The following PSMC4 variants were observed in gnomAD, a reference collection of about 807,000 sequenced individuals.
PSMC4 encodes the protein proteasome 26S subunit, ATPase 4, also known as 26S proteasome regulatory subunit 6B.
A neutral mutation model predicts 48.4 loss-of-function variants in PSMC4; 13 were observed. That is an observed-to-expected ratio of 0.27 (90% CI 0.18 to 0.43). PSMC4 has a LOEUF of 0.43. Ranked by LOEUF, PSMC4 falls within the 20% of genes least tolerant of loss-of-function variation. PSMC4 has a pLI of 1.00. For synonymous variants in PSMC4, 202 were observed against 212.3 expected (o/e 0.95, Z 0.42); for missense variants, 262 against 555.9 (o/e 0.47, Z 5.32).
rs1337010415 is a variant in PSMC4, at chr19:39,974,820, A to G, written c.665A>G (p.His222Arg). ...KTMLAKAVAH[H>R]TTAAFIRVVG... ...ATGTTGGCAAAGGCGGTGGCACATC[A>G]CACAACAGGTGAGCCCTTTCGCCCC... Residue 222 changes from histidine to arginine, a missense_variant, in exon 6 of 11, where the codon CAC (histidine) becomes CGC (arginine). This residue lies in a region of PSMC4 where 131 missense variants were observed against 276.7 expected (regional missense o/e 0.47). Transcript: ENST00000157812. The surrounding 1 kb of genome is among the most constrained non-coding windows in gnomAD (Gnocchi z 5.5). 6.2e-7 allele frequency: 1 copy of G among 1,613,704 alleles called. No homozygotes were observed. Among genetic ancestry groups the G allele is most frequent in the Admixed American group, 1.7e-5 (1 of 60,020 alleles).
Position 39,981,279 on chromosome 19 carries a change from G to A in PSMC4, c.1231G>A (p.Glu411Lys), listed in dbSNP as rs768676877. 8 of 1,613,820 alleles carry A rather than the reference G, an allele frequency of 5.0e-6. No individual in the cohort carries two copies. The highest frequency in any genetic ancestry group is 1.1e-5 in the South Asian group (1 of 91,082). ...KAYKTVIKKD[E>K]QEHEFYK ...ATACAAGACTGTCATCAAGAAGGACGAGCAGGAGCATGAGTTTTACAAGTG... is the reference window on the plus strand; with the variant it reads ...ATACAAGACTGTCATCAAGAAGGACAAGCAGGAGCATGAGTTTTACAAGTG... Residue 411 changes from glutamate to lysine, a missense_variant, in exon 11 of 11, where the codon GAG becomes AAG. Glu to Lys is a moderately conservative substitution (Grantham distance 56). Coordinates refer to ENST00000157812, the MANE Select transcript of PSMC4 (RefSeq NM_006503.4).
At chr19:39,978,636 C>T (rs896867629) in intron 6 of PSMC4, among the ~76,000 whole-genome samples, 13 of 152,122 alleles carry the variant, frequency 8.5e-5, no homozygotes, top group Admixed American at 8.5e-4. Flanking sequence ...TGTCTCCCTT[C>T]TCTGGTGGCT....
rs751292534 is a variant in PSMC4, at chr19:39,974,854, G to C, written c.673+26G>C. 1.3e-6 allele frequency: 2 copies of C among 1,592,778 alleles called. No individual in the cohort carries two copies. The highest frequency in any genetic ancestry group is 1.7e-6 in the Non-Finnish European group (2 of 1,162,036). ...GTGAGCCCTTTCGCCCCTGCCCCGA[G>C]CTCTCATCTTCTGGCCTCTTCGCCT... On this transcript the variant is annotated intron_variant, in intron 6 of 10. Coordinates refer to ENST00000157812, the MANE Select transcript of PSMC4 (RefSeq NM_006503.4). This position sits in a 1 kb window ranked among gnomAD's most constrained non-coding sequence, Gnocchi z 5.5.
At position 39,980,698 on chromosome 19, in the gene PSMC4, T is replaced by G; in HGVS notation, c.1124T>G (p.Ile375Ser). ...CCAGATAAGATTTCAGGAGCTGATA[T>G]TAACTCCATCTGTCAGGAGGTAAGT... The part of the protein sequence containing the change: ...ARPDKISGAD[I>S]NSICQESGML... Residue 375 changes from isoleucine to serine, a missense_variant, in exon 10 of 11, where the codon ATT becomes AGT. Ile to Ser is a moderately radical substitution (Grantham distance 142). Coordinates refer to ENST00000157812, the MANE Select transcript of PSMC4 (RefSeq NM_006503.4). The surrounding 1 kb of genome is among the most constrained non-coding windows in gnomAD (Gnocchi z 4.8). 6.2e-7 allele frequency: 1 copy of G among 1,614,068 alleles called. No individual in the cohort carries two copies. The highest frequency in any genetic ancestry group is 8.5e-7 in the Non-Finnish European group (1 of 1,179,978).
Position 39,974,752 on chromosome 19 carries a change from C to T in PSMC4, c.597C>T (p.Pro199=). 1 of 1,614,194 alleles carries T rather than the reference C, an allele frequency of 6.2e-7. No homozygotes were observed. The highest frequency in any genetic ancestry group is 1.3e-5 in the African/African-American group (1 of 75,050). ...GGTTTCAGATCGGCATCGATCCCCC[C>T]CGAGGCGTCCTCATGTATGGCCCAC... is the stretch of plus-strand genomic sequence containing the variant. The part of the protein sequence containing the change: ...ELYKQIGIDP[P]RGVLMYGPPG... The change falls in exon 6 of 11, where the codon CCC becomes CCT. Residue 199 remains proline (P), a synonymous_variant. Transcript: ENST00000157812. This position sits in a 1 kb window ranked among gnomAD's most constrained non-coding sequence, Gnocchi z 5.5.
chr19:39,972,967 A>G (rs1022638465), intron 3 of PSMC4, among the ~76,000 whole-genome samples: 20 of 151,902 alleles, frequency 1.3e-4, no homozygotes, highest in Admixed American at 1.2e-3. Context: ...TCTGGTCTTG[A>G]ACTCCTGACC....
At chr19:39,973,544 C>T (rs910296681) in intron 3 of PSMC4, among the ~76,000 whole-genome samples, 1 of 142,210 alleles carries the variant, frequency 7.0e-6, no homozygotes, top group African/African-American at 2.6e-5. Flanking sequence ...GATCGTGACA[C>T]TGTACTACAG....
intron 2 of PSMC4, 29 bp downstream of exon 2, chr19:39,972,273 C>A: frequency 6.2e-7 from 1 of 1,610,702 alleles, no homozygotes. Context: ...CCAGACCTTG[C>A]ACAGGACCTG....
Position 39,980,456 on chromosome 19 carries a change from T to C in PSMC4, c.1087+2T>C, listed in dbSNP as rs1219327478. 2.5e-6 allele frequency: 4 copies of C among 1,613,772 alleles called. No individual in the cohort carries two copies. The African/African-American group carries it at 5.3e-5, about 22-fold the overall frequency. The stretch of plus-strand genomic sequence containing the variant: ...CTGAGGAGGTTGACTTGGAAGACTG[T>C]ATCCTGCTCCAGAAGTCAGGGAGGG... On this transcript the variant is annotated splice_donor_variant, in intron 9 of 10. Transcript: ENST00000157812. LOFTEE classifies it high-confidence loss of function. This position sits in a 1 kb window ranked among gnomAD's most constrained non-coding sequence, Gnocchi z 4.8.
Position 39,981,330 on chromosome 19 carries a change from A to T in PSMC4, c.*25A>T. 6.4e-7 allele frequency: 1 copy of T among 1,553,340 alleles called. No individual in the cohort carries two copies. The highest frequency in any genetic ancestry group is 1.1e-5 in the South Asian group (1 of 89,748). On this transcript the variant is annotated 3_prime_UTR_variant, in exon 11 of 11. Transcript: ENST00000157812. ...ACCCTTCCCTTCCCTCCACCACACCACTCAGGGGCTGGGGCTTCTCTCGCA... is the reference window on the plus strand; with the variant it reads ...ACCCTTCCCTTCCCTCCACCACACCTCTCAGGGGCTGGGGCTTCTCTCGCA...
In PSMC4 at chr19:39,974,402, C is replaced by T; in HGVS notation, c.431C>T (p.Pro144Leu). The change falls in exon 4 of 11, where the codon CCC becomes CTC. Residue 144 changes from proline (P) to leucine (L), a missense_variant. Transcript: ENST00000157812. This position sits in a 1 kb window ranked among gnomAD's most constrained non-coding sequence, Gnocchi z 5.5. ...AGCAATGCACTGGTGGACGTGCTGC[C>T]CCCCGAAGCCGACAGCAGCATCATG... Reference protein sequence around the residue: ...KHSNALVDVLPPEADSSIMML... With the variant: ...KHSNALVDVLLPEADSSIMML... 1 of 1,614,076 alleles carries T rather than the reference C, an allele frequency of 6.2e-7. No homozygotes were observed. Among genetic ancestry groups the T allele is most frequent in the Non-Finnish European group, 8.5e-7 (1 of 1,180,012 alleles).
chr19:39,974,712 C>A lies in PSMC4; in HGVS notation c.580-23C>A. On this transcript the variant is annotated intron_variant, in intron 5 of 10. Coordinates refer to ENST00000157812, the MANE Select transcript of PSMC4 (RefSeq NM_006503.4). The surrounding 1 kb of genome is among the most constrained non-coding windows in gnomAD (Gnocchi z 5.5). ...GAGGTGGAACCCCTGACTCCCACTT[C>A]TCTTCCTTCCTCTGGGTTTCAGATC... is the stretch of plus-strand genomic sequence containing the variant. 1 of 1,613,430 alleles carries A rather than the reference C, an allele frequency of 6.2e-7. No homozygotes were observed. The highest frequency in any genetic ancestry group is 2.2e-5 in the East Asian group (1 of 44,876).
chr19:39,976,418 A>G (rs981684215), intron 6 of PSMC4, among the ~76,000 whole-genome samples: 2 of 147,874 alleles, frequency 1.4e-5, no homozygotes, highest in African/African-American at 2.4e-5. Flanking sequence ...AAAAAAAAAA[A>G]AAAAAGAATA....
At chr19:39,977,869 G>A (rs1157474008) in intron 6 of PSMC4, among the ~76,000 whole-genome samples, 2 of 150,618 alleles carry the variant, frequency 1.3e-5, no homozygotes, top group Non-Finnish European at 2.9e-5. Flanking sequence ...CCAGGCTGGA[G>A]TGCAGTGGTG....
Position 39,981,425 on chromosome 19 carries a change from A to G in PSMC4, c.*120A>G. The G allele has an allele frequency of 4.4e-6, 3 of 684,226 alleles. No individual in the cohort carries two copies. Among genetic ancestry groups the G allele is most frequent in the Middle Eastern group, 2.6e-4 (1 of 3,876 alleles). 42.4% of individuals were successfully genotyped at this position (684,226 alleles called of 1,614,324 possible). On this transcript the variant is annotated 3_prime_UTR_variant, in exon 11 of 11. Coordinates refer to ENST00000157812, the MANE Select transcript of PSMC4 (RefSeq NM_006503.4). ...CCCAGGATTGGTTTCTTCAATAAAT[A>G]GATAAGATCGAATCCATTTAATTTC...
At chr19:39,973,863 C>A (rs557115666) in intron 3 of PSMC4, among the ~76,000 whole-genome samples, 6 of 152,244 alleles carry the variant, frequency 3.9e-5, no homozygotes, top group African/African-American at 1.4e-4. Context: ...TGAGGCCTTT[C>A]TCTTTGACCT....
At chr19:39,981,076 C>T (rs535738652) in intron 10 of PSMC4, 116 bp from the exon 11 acceptor site, 138 of 771,644 alleles carry the variant, frequency 1.8e-4, no homozygotes, top group Admixed American at 9.7e-4. Context: ...AGGCTGGTCT[C>T]GAACTCTTGG....
intron 2 of PSMC4, 48 bp from the exon 3 acceptor site, chr19:39,972,321 G>A (rs2144610638): frequency 6.2e-7 from 1 of 1,610,846 alleles, no homozygotes; most frequent in South Asian, 1.1e-5. Context: ...CCACTCTCTG[G>A]ATCAGCAAGT....
Position 39,971,340 on chromosome 19 carries a change from A to G in PSMC4, c.36+102A>G, listed in dbSNP as rs369050013. 6.9e-6 allele frequency: 10 copies of G among 1,445,936 alleles called. No homozygotes were observed. The African/African-American group carries it at 1.3e-4, about 18-fold the overall frequency. 89.6% of individuals were successfully genotyped at this position (1,445,936 alleles called of 1,614,324 possible). Reference sequence around the variant, plus strand: ...GGAATGGCTTCCAGGACCCCGGCCCAGGTTGGGGTTATTTTAGAGGCCTCG... The same window carrying G: ...GGAATGGCTTCCAGGACCCCGGCCCGGGTTGGGGTTATTTTAGAGGCCTCG... On this transcript the variant is annotated intron_variant, in intron 1 of 10. Transcript: ENST00000157812.
Sources: allele counts gnomAD v4.1 joint callset (sites outside exome capture counted in the v4.1 genomes callset), GRCh38; gene constraint gnomAD v4.1.1; regional missense constraint gnomAD v4.1.1; non-coding constraint Gnocchi (gnomAD v3.1); transcripts MANE v1.5; gene names NCBI Gene and HGNC (gene_info 2026-07-23, HGNC 2026-07-21).